Variants in TUSC3 observed in about 807,000 individuals in gnomAD.
The protein encoded by TUSC3 is dolichyl-diphosphooligosaccharide--protein glycosyltransferase subunit TUSC3.
Under a neutral mutation model 44.8 loss-of-function variants are expected in TUSC3, and 45 were observed. The observed-to-expected ratio is 1.00, with a 90% CI of 0.79 to 1.29. The LOEUF (loss-of-function observed/expected upper bound fraction) is 1.29, where lower values mean the gene tolerates loss of function less well. Ranked by LOEUF, TUSC3 falls within the 50% of genes most tolerant of loss-of-function variation. The pLI, the probability that TUSC3 is intolerant of heterozygous loss-of-function variation, is 0.00. For missense variants in TUSC3, 519 were observed against 437.9 expected (o/e 1.19, Z -1.65); for synonymous variants, 212 against 152.9 (o/e 1.39, Z -2.85).
At chr8:15,746,629 T>TTCTG (rs1415848606) in intron 8 of TUSC3, among the ~76,000 whole-genome samples, 1 of 152,086 alleles carries the variant, frequency 6.6e-6, no homozygotes, top group Non-Finnish European at 1.5e-5. Flanking sequence ...AGTAATTATC[T>TTCTG]TCTGTCTTAC....
intron 4 of TUSC3, 68 bp from the exon 5 acceptor site, chr8:15,662,088 C>A: frequency 4.5e-6 from 7 of 1,569,858 alleles, no homozygotes; most frequent in Non-Finnish European, 5.2e-6. Context: ...ATTATGAGGA[C>A]TAGAATATGA....
In TUSC3 at chr8:15,521,878, A is replaced by G. The variant is rs74732772; in HGVS notation, n.189+38395A>G. ...CTTTAAGGTTGTACATGGTTGAGTG[A>G]CTAGCTATTAGGTTGGTGCAAAAGT... On this transcript the variant is annotated intron_variant and non_coding_transcript_variant, in intron 2 of 5. Transcript: ENST00000503191. Among the ~76,000 whole-genome samples, 1,162 of 152,302 alleles carry G rather than the reference A, an allele frequency of 7.6e-3. 23 individuals are homozygous for G. The highest frequency in any genetic ancestry group is 0.025 in the African/African-American group (1,050 of 41,566).
chr8:15,724,501 T>G (rs1563191433), intron 6 of TUSC3, among the ~76,000 whole-genome samples: 1 of 152,198 alleles, frequency 6.6e-6, no homozygotes, highest in Non-Finnish European at 1.5e-5. Context: ...TTAGAAGTGT[T>G]GTCAAGGAAA....
chr8:15,510,467 GC>G, intron 2 of TUSC3, among the ~76,000 whole-genome samples: 1 of 144,528 alleles, frequency 6.9e-6, no homozygotes, highest in African/African-American at 2.9e-5. Flanking sequence ...ATATATAAAT[GC>G]ATGCAGTAAA....
At chr8:15,639,060 A>T (rs1806235120) in intron 2 of TUSC3, among the ~76,000 whole-genome samples, 1 of 146,976 alleles carries the variant, frequency 6.8e-6, no homozygotes, top group Non-Finnish European at 1.5e-5. Flanking sequence ...AGTGATGATC[A>T]TGTGCTGATG....
At chr8:15,630,160 A>G (rs1009299703) in intron 2 of TUSC3, among the ~76,000 whole-genome samples, 2 of 152,284 alleles carry the variant, frequency 1.3e-5, no homozygotes, top group East Asian at 3.9e-4. Context: ...GGATGTTACT[A>G]TGGATCAGTA....
Position 15,540,486 on chromosome 8 carries a change from A to G in TUSC3, c.56A>G (p.Tyr19Cys). ...RRRQAGRRLR[Y>C]LPTGSFPFLL... ...AGGCAAGCGGGGCGGCGGCTGCGGT[A>G]CCTGCCCACCGGGAGCTTTCCCTTC... Residue 19 changes from tyrosine to cysteine, a missense_variant, in exon 1 of 11, where the codon TAC becomes TGC. Coordinates refer to ENST00000503731, the MANE Select transcript of TUSC3 (RefSeq NM_006765.4). The G allele has an allele frequency of 6.2e-7, 1 of 1,608,062 alleles. No homozygotes were observed. The highest frequency in any genetic ancestry group is 8.5e-7 in the Non-Finnish European group (1 of 1,177,990).
At chr8:15,724,188 G>T (rs1810412098) in intron 6 of TUSC3, among the ~76,000 whole-genome samples, 1 of 152,052 alleles carries the variant, frequency 6.6e-6, no homozygotes, top group Non-Finnish European at 1.5e-5. Context: ...TGCCCAAGGG[G>T]ATCCCTCACC....
rs1430135995 is a variant in TUSC3 at position 15,473,263 on chromosome 8, A to G, written n.92-10123A>G. On this transcript the variant is annotated intron_variant and non_coding_transcript_variant, in intron 1 of 5. Transcript: ENST00000503191. ...AGCATAACTGGTAAATAATTAAAGT[A>G]TTATATGATTATTATAAGGGGTACA... 3.3e-5 allele frequency among the ~76,000 whole-genome samples: 5 copies of G among 152,218 alleles called. No homozygotes were observed. The East Asian group carries it at 5.8e-4, about 18-fold the overall frequency.
At chr8:15,591,181 A>G (rs1422841857) in intron 1 of TUSC3, among the ~76,000 whole-genome samples, 2 of 152,184 alleles carry the variant, frequency 1.3e-5, no homozygotes, top group Admixed American at 6.5e-5. Flanking sequence ...CCAAAAATGA[A>G]CAGATCATTC....
At chr8:15,804,377 G>C in the TUSC3 span, among the ~76,000 whole-genome samples, 2 of 152,140 alleles carry the variant, frequency 1.3e-5, no homozygotes, top group African/African-American at 2.4e-5. Context: ...AATTGCTTTT[G>C]AGAACTGAGT....
At chr8:15,735,234 A>G (rs1173003575) in intron 7 of TUSC3, among the ~76,000 whole-genome samples, 1 of 151,708 alleles carries the variant, frequency 6.6e-6, no homozygotes. Context: ...ATCCTCCAGC[A>G]TGAACCTAAG....
Position 15,567,562 on chromosome 8 carries a change from C to T in TUSC3, c.138+26994C>T, listed in dbSNP as rs1479443500. 3.3e-5 allele frequency among the ~76,000 whole-genome samples: 5 copies of T among 152,084 alleles called. 1 individual carries two copies. Among genetic ancestry groups the T allele is most frequent in the Non-Finnish European group, 7.4e-5 (5 of 68,016 alleles). On this transcript the variant is annotated intron_variant, in intron 1 of 10. Transcript: ENST00000503731. ...AATTGTCAATGGCTTTGCATATAAA[C>T]CTGAGTAGCTCTCTTGTATCGCTTT...
At chr8:15,449,976 C>T (rs1014770859) in intron 1 of TUSC3, among the ~76,000 whole-genome samples, 1 of 152,162 alleles carries the variant, frequency 6.6e-6, no homozygotes, top group Non-Finnish European at 1.5e-5. Flanking sequence ...GGCTATACCA[C>T]ATAGCCTAGG....
intron 9 of TUSC3, among the ~76,000 whole-genome samples, chr8:15,750,411 TATA>T (rs1563204963): frequency 6.6e-6 from 1 of 152,158 alleles, no homozygotes; most frequent in Non-Finnish European, 1.5e-5. Flanking sequence ...CTGACAGCAA[TATA>T]ATGACTAGGA....
At chr8:15,457,244 C>A (rs1010707774) in intron 1 of TUSC3, among the ~76,000 whole-genome samples, 1 of 151,486 alleles carries the variant, frequency 6.6e-6, no homozygotes, top group Admixed American at 6.6e-5. Context: ...TGCAGCACAC[C>A]AACATGGCAC....
intron 2 of TUSC3, among the ~76,000 whole-genome samples, chr8:15,489,180 T>C (rs1289464774): frequency 6.6e-6 from 1 of 152,148 alleles, no homozygotes; most frequent in Admixed American, 6.6e-5. Context: ...AGTCAATACC[T>C]GTAAGGTCTA....
intron 1 of TUSC3, among the ~76,000 whole-genome samples, chr8:15,565,382 T>G (rs1273527179): frequency 6.6e-6 from 1 of 152,138 alleles, no homozygotes; most frequent in Non-Finnish European, 1.5e-5. Flanking sequence ...TTTAGTCACA[T>G]CTTGTGTCAG....
intron 1 of TUSC3, among the ~76,000 whole-genome samples, chr8:15,473,795 G>T (rs1042197371): frequency 6.6e-5 from 10 of 152,154 alleles, no homozygotes; most frequent in African/African-American, 1.9e-4. Flanking sequence ...AACAGGACAA[G>T]GCAAAACAGA....
Sources: gnomAD v4.1 joint callset for allele counts (sites outside exome capture counted in the v4.1 genomes callset) on GRCh38, gnomAD v4.1.1 for gene constraint, MANE v1.5 for transcripts, NCBI Gene and HGNC (gene_info 2026-07-23, HGNC 2026-07-21) for gene names.